The following HEMK2 variants were observed in gnomAD, a reference collection of about 807,000 sequenced individuals.
HEMK2 encodes methyltransferase HEMK2.
the HEMK2 span, among the ~76,000 whole-genome samples, chr21:28,696,983 G>C: frequency 6.7e-6 from 1 of 148,754 alleles, no homozygotes; most frequent in Non-Finnish European, 1.5e-5. Flanking sequence ...ACACAGCAGG[G>C]GAGCCCTGGA....
the HEMK2 span, among the ~76,000 whole-genome samples, chr21:28,838,972 A>AAAATATATATATATATAT: frequency 2.7e-4 from 8 of 29,154 alleles, no homozygotes; most frequent in Middle Eastern, 0.029. Context: ...AAAAAAAAAA[A>AAAATATATATATATATAT]ATATATATAT....
At chr21:28,666,751 T>C in the HEMK2 span, among the ~76,000 whole-genome samples, 17 of 152,266 alleles carry the variant, frequency 1.1e-4, no homozygotes, top group Non-Finnish European at 2.1e-4. Context: ...TATATATAAA[T>C]CCTGTTTAAC....
At chr21:28,821,424 T>C in the HEMK2 span, among the ~76,000 whole-genome samples, 1 of 152,166 alleles carries the variant, frequency 6.6e-6, no homozygotes, top group African/African-American at 2.4e-5. Context: ...TTTAAATGAG[T>C]TGACCTATGT....
chr21:28,810,419 C>T, the HEMK2 span, among the ~76,000 whole-genome samples: 3 of 152,138 alleles, frequency 2.0e-5, no homozygotes, highest in African/African-American at 7.2e-5. Context: ...AAGAAATATC[C>T]GCTAGTACCA....
the HEMK2 span, among the ~76,000 whole-genome samples, chr21:28,813,638 G>A: frequency 2.0e-5 from 3 of 152,094 alleles, no homozygotes; most frequent in Non-Finnish European, 4.4e-5. Flanking sequence ...GTAAGCAAAA[G>A]AACAAAGCTG....
At chr21:28,848,775 A>G in the HEMK2 span, among the ~76,000 whole-genome samples, 11 of 152,310 alleles carry the variant, frequency 7.2e-5, no homozygotes, top group South Asian at 2.3e-3. Flanking sequence ...CACTGTGTGA[A>G]ATGCATTTTT....
chr21:28,630,227 C>A, the HEMK2 span, among the ~76,000 whole-genome samples: 3 of 152,118 alleles, frequency 2.0e-5, no homozygotes, highest in Middle Eastern at 3.4e-3. Context: ...AACCACAATG[C>A]GATACCATCT....
the HEMK2 span, among the ~76,000 whole-genome samples, chr21:28,713,570 C>A: frequency 2.0e-5 from 3 of 152,072 alleles, no homozygotes; most frequent in Admixed American, 6.6e-5. Context: ...TTCCCCAGGC[C>A]CCTCCTTCTT....
chr21:28,792,594 G>C, the HEMK2 span, among the ~76,000 whole-genome samples: 2 of 152,080 alleles, frequency 1.3e-5, no homozygotes, highest in African/African-American at 4.8e-5. Context: ...GTGAATACTT[G>C]GTACAATAAG....
At chr21:28,840,890 C>T in the HEMK2 span, among the ~76,000 whole-genome samples, 4 of 147,722 alleles carry the variant, frequency 2.7e-5, no homozygotes, top group Admixed American at 2.1e-4. Context: ...AAAAAAGACA[C>T]TTGCACAAGC....
the HEMK2 span, among the ~76,000 whole-genome samples, chr21:28,839,929 A>T: frequency 6.6e-6 from 1 of 152,214 alleles, no homozygotes; most frequent in Non-Finnish European, 1.5e-5. Context: ...AGCAAAAAGA[A>T]CAAATCTGGA....
chr21:28,623,221 A>G, the HEMK2 span, among the ~76,000 whole-genome samples: 1 of 152,210 alleles, frequency 6.6e-6, no homozygotes, highest in Non-Finnish European at 1.5e-5. Flanking sequence ...GTTGCCAAAA[A>G]ACATATGAAA....
chr21:28,679,038 A>G, the HEMK2 span, among the ~76,000 whole-genome samples: 1 of 152,246 alleles, frequency 6.6e-6, no homozygotes, highest in African/African-American at 2.4e-5. Flanking sequence ...AAATTCACAC[A>G]TGACAATATT....
At chr21:28,690,758 G>C in the HEMK2 span, among the ~76,000 whole-genome samples, 3 of 152,116 alleles carry the variant, frequency 2.0e-5, no homozygotes, top group African/African-American at 7.2e-5. Flanking sequence ...ATAAGCCCCA[G>C]ATATTATGTA....
At chr21:28,729,278 G>A in the HEMK2 span, among the ~76,000 whole-genome samples, 2 of 152,150 alleles carry the variant, frequency 1.3e-5, no homozygotes, top group Non-Finnish European at 1.5e-5. Flanking sequence ...CACTTGAGAT[G>A]TTCATGCCTG....
At chr21:28,587,819 G>C in the HEMK2 span, among the ~76,000 whole-genome samples, 1 of 152,254 alleles carries the variant, frequency 6.6e-6, no homozygotes, top group Non-Finnish European at 1.5e-5. Context: ...ATAAATAAAT[G>C]ATCAAGTTTT....
chr21:28,750,993 G>A, the HEMK2 span, among the ~76,000 whole-genome samples: 1 of 152,126 alleles, frequency 6.6e-6, no homozygotes, highest in Non-Finnish European at 1.5e-5. Flanking sequence ...CACTTTGGGA[G>A]GCCGAGGCGG....
chr21:28,797,399 C>T, the HEMK2 span, among the ~76,000 whole-genome samples: 3,995 of 149,940 alleles, frequency 0.027, 187 homozygotes, highest in African/African-American at 0.093. Context: ...AGATGGAGCC[C>T]ATCCAAGGCA....
At chr21:28,652,613 T>C in the HEMK2 span, among the ~76,000 whole-genome samples, 1 of 152,154 alleles carries the variant, frequency 6.6e-6, no homozygotes, top group African/African-American at 2.4e-5. Context: ...AACTAAATTC[T>C]TGAGGACTCC....
Sources: allele counts gnomAD v4.1 joint callset (sites outside exome capture counted in the v4.1 genomes callset), GRCh38; gene constraint gnomAD v4.1.1; transcripts MANE v1.5; gene names NCBI Gene and HGNC (gene_info 2026-07-23, HGNC 2026-07-21).